Variants in SEMA6D observed in about 807,000 individuals in gnomAD.
SEMA6D encodes semaphorin 6D, also known as semaphorin-6D.
A neutral mutation model predicts 106.6 loss-of-function variants in SEMA6D; 35 were observed. That is an observed-to-expected ratio of 0.33 (90% CI 0.25 to 0.44). SEMA6D has a LOEUF of 0.44. Ranked by LOEUF, SEMA6D falls within the 20% of genes least tolerant of loss-of-function variation. The pLI is 1.00. For missense variants in SEMA6D, 1,185 were observed against 1,345.9 expected (o/e 0.88, Z 1.87); for synonymous variants, 499 against 487.7 (o/e 1.02, Z -0.31).
At chr15:47,635,739 G>A (rs1196976558) in intron 4 of SEMA6D, among the ~76,000 whole-genome samples, 1 of 151,978 alleles carries the variant, frequency 6.6e-6, no homozygotes, top group African/African-American at 2.4e-5. Flanking sequence ...GCCAGTATTA[G>A]GAACCCTTCC....
At chr15:47,619,916 C>T (rs2144154450) in intron 4 of SEMA6D, among the ~76,000 whole-genome samples, 1 of 152,136 alleles carries the variant, frequency 6.6e-6, no homozygotes, top group East Asian at 1.9e-4. Flanking sequence ...CCTTCAGAGA[C>T]CTTCCAAAGC....
intron 4 of SEMA6D, among the ~76,000 whole-genome samples, chr15:47,654,868 C>G (rs1173365213): frequency 6.6e-6 from 1 of 152,314 alleles, no homozygotes; most frequent in East Asian, 1.9e-4. Context: ...AACCATATGC[C>G]AATTATACCT....
chr15:47,268,825 C>T (rs62014040), intron 1 of SEMA6D, among the ~76,000 whole-genome samples: 1,839 of 152,170 alleles, frequency 0.012, 33 homozygotes, highest in Admixed American at 0.013. Flanking sequence ...CTGAATTTTC[C>T]GCTTTGAGTA....
chr15:47,346,629 A>T (rs1034203466), intron 1 of SEMA6D, among the ~76,000 whole-genome samples: 1 of 152,202 alleles, frequency 6.6e-6, no homozygotes, highest in Non-Finnish European at 1.5e-5. Flanking sequence ...GTGAAATTCT[A>T]TGGTGACATA....
chr15:47,605,582 A>G (rs2076762785), intron 4 of SEMA6D, among the ~76,000 whole-genome samples: 1 of 152,114 alleles, frequency 6.6e-6, no homozygotes, highest in Non-Finnish European at 1.5e-5. Flanking sequence ...GCTACCTTTC[A>G]GAGAACAGCA....
chr15:47,276,858 T>C (rs928500608), intron 1 of SEMA6D, among the ~76,000 whole-genome samples: 14 of 152,266 alleles, frequency 9.2e-5, no homozygotes, highest in African/African-American at 2.9e-4. Context: ...CAAAGTAAAA[T>C]GAAAACCTTC....
intron 4 of SEMA6D, among the ~76,000 whole-genome samples, chr15:47,652,466 C>G (rs929884372): frequency 2.0e-5 from 3 of 152,152 alleles, no homozygotes; most frequent in Non-Finnish European, 4.4e-5. Flanking sequence ...CCTCCTCACC[C>G]CGCCTGCCCG....
intron 4 of SEMA6D, among the ~76,000 whole-genome samples, chr15:47,665,530 C>T (rs976212267): frequency 6.6e-6 from 1 of 152,178 alleles, no homozygotes; most frequent in Non-Finnish European, 1.5e-5. Context: ...AAATATTTAT[C>T]CAGGCATGGT....
intron 1 of SEMA6D, among the ~76,000 whole-genome samples, chr15:47,748,167 C>T (rs1393119103): frequency 1.3e-5 from 2 of 152,206 alleles, no homozygotes; most frequent in African/African-American, 4.8e-5. Flanking sequence ...CTTGGTTTTG[C>T]AGCACCTGAA....
rs56185341 is a variant in SEMA6D, at chr15:47,304,433, T to TA, written c.-238-107924dup. Among the ~76,000 whole-genome samples the TA allele has an allele frequency of 1.3e-3, 126 of 93,834 alleles. 10 individuals are homozygous for TA. The highest frequency in any genetic ancestry group is 4.5e-3 in the East Asian group (9 of 2,000). 61.6% of individuals were successfully genotyped at this position (93,834 alleles called of 152,430 possible). A position where few individuals can be genotyped will look rare whatever the true frequency, so the allele number is the denominator to read the frequency against. On this transcript the variant is annotated intron_variant, in intron 1 of 19. Transcript: ENST00000558014. ...TGCACTCCAGCCTGAGCCTTCTAAC[T>TA]AAAAAAAAAAAAAAAAAAAAAAAAA...
rs576719223 is a variant in SEMA6D at position 47,569,502 on chromosome 15, T to A, written c.-86-31363T>A. On this transcript the variant is annotated intron_variant, in intron 3 of 19. Coordinates refer to the SEMA6D transcript ENST00000558014. ...GTGGGGCACAGGACACTTTCAGCAG[T>A]GAGAGAACAGCTACTTGGGTCCAGC... 1.2e-4 allele frequency among the ~76,000 whole-genome samples: 19 copies of A among 152,212 alleles called. No homozygotes were observed. In the East Asian group the frequency reaches 2.5e-3, roughly 20 times the overall value.
At chr15:47,768,770 C>T (rs780397558) in intron 18 of SEMA6D, 22 bp downstream of exon 18, 64 of 1,602,212 alleles carry the variant, frequency 4.0e-5, no homozygotes, top group Non-Finnish European at 5.3e-5. Flanking sequence ...GCAGGGACCT[C>T]ATCTCTAACT....
rs543068680 is a variant in SEMA6D, at chr15:47,771,925, C to T, written c.*140C>T. On this transcript the variant is annotated 3_prime_UTR_variant, in exon 19 of 19. Transcript: ENST00000536845. ...CCAAAGAAACTCTTTCTAACTTTGG[C>T]AACATCAGAACTTGCCACATGTAGC... 3.5e-4 allele frequency: 316 copies of T among 893,312 alleles called. No homozygotes were observed. The highest frequency in any genetic ancestry group is 3.0e-4 in the Non-Finnish European group (176 of 585,826). The allele number at this position is 893,312 out of a possible 1,614,324, so 55.3% of individuals were successfully genotyped here.
In SEMA6D at chr15:47,370,683, TAAAAAAAAA is replaced by T. The variant is rs376454672; in HGVS notation, c.-238-41691_-238-41683del. Among the ~76,000 whole-genome samples the T allele has an allele frequency of 1.9e-4, 18 of 95,168 alleles. No homozygotes were observed. The South Asian group carries it at 6.0e-3, about 32-fold the overall frequency. The allele number at this position is 95,168 out of a possible 152,430, so 62.4% of individuals were successfully genotyped here. A position where few individuals can be genotyped will look rare whatever the true frequency, so the allele number is the denominator to read the frequency against. On this transcript the variant is annotated intron_variant, in intron 1 of 19. Coordinates refer to the SEMA6D transcript ENST00000558014. ...AACATGGTAAAGCGCCGTCTCTACT[TAAAAAAAAA>T]AAAAAAAAAAAAAAAAAATTTGATG...
At chr15:47,189,487 G>C (rs1893809280) in intron 1 of SEMA6D, among the ~76,000 whole-genome samples, 1 of 151,866 alleles carries the variant, frequency 6.6e-6, no homozygotes, top group African/African-American at 2.4e-5. Flanking sequence ...ATAAAATGAA[G>C]CAAAAAGTTG....
intron 4 of SEMA6D, among the ~76,000 whole-genome samples, chr15:47,709,923 T>G (rs1016717249): frequency 3.3e-5 from 5 of 151,858 alleles, no homozygotes; most frequent in Non-Finnish European, 7.4e-5. Flanking sequence ...GATTGTTCCT[T>G]TATTACATGG....
chr15:47,333,812 C>T lies in SEMA6D; in HGVS notation c.-238-78581C>T, dbSNP rs563439795. Among the ~76,000 whole-genome samples the T allele has an allele frequency of 3.5e-4, 54 of 152,276 alleles. No homozygotes were observed. The South Asian group carries it at 0.011, about 30-fold the overall frequency. The stretch of plus-strand genomic sequence containing the variant: ...TATGATAGGTATATTGATTTTCATC[C>T]ACAGTTCCTGGCTTACAACTCCCGT... On this transcript the variant is annotated intron_variant, in intron 1 of 19. Coordinates refer to the SEMA6D transcript ENST00000558014.
At chr15:47,364,500 C>T (rs142890511) in intron 1 of SEMA6D, among the ~76,000 whole-genome samples, 83 of 152,282 alleles carry the variant, frequency 5.5e-4, no homozygotes, top group Non-Finnish European at 9.8e-4. Context: ...GGAGAAGCAG[C>T]AGCATAATTA....
intron 3 of SEMA6D, among the ~76,000 whole-genome samples, chr15:47,520,243 A>C (rs1035016498): frequency 5.9e-5 from 9 of 152,234 alleles, no homozygotes; most frequent in African/African-American, 2.2e-4. Flanking sequence ...CTAAAGAATT[A>C]TGTCCTGGGA....
Sources: allele counts gnomAD v4.1 joint callset (sites outside exome capture counted in the v4.1 genomes callset), GRCh38; gene constraint gnomAD v4.1.1; transcripts MANE v1.5; gene names NCBI Gene and HGNC (gene_info 2026-07-23, HGNC 2026-07-21).